Variants in DHRS12 observed in about 807,000 individuals in gnomAD.
DHRS12 encodes dehydrogenase/reductase SDR family member 12.
A neutral mutation model predicts 32.1 loss-of-function variants in DHRS12; 29 were observed. That is an observed-to-expected ratio of 0.90 (90% CI 0.67 to 1.23). The LOEUF (loss-of-function observed/expected upper bound fraction) is 1.23, where lower values mean the gene tolerates loss of function less well. Ranked by LOEUF, DHRS12 falls within the 50% of genes most tolerant of loss-of-function variation. The pLI is 0.00. For synonymous variants in DHRS12, 150 were observed against 135.9 expected (o/e 1.10, Z -0.72); for missense variants, 330 against 337.2 (o/e 0.98, Z 0.17).
At position 51,779,261 on chromosome 13, in the gene DHRS12, T is replaced by A. The variant is rs553730036; in HGVS notation, c.302-2140A>T. Among the ~76,000 whole-genome samples, 6 of 152,224 alleles carry A rather than the reference T, an allele frequency of 3.9e-5. No individual in the cohort carries two copies. In the South Asian group the frequency reaches 1.2e-3, roughly 32 times the overall value. On this transcript the variant is annotated intron_variant, in intron 4 of 8. Transcript: ENST00000444610. ...AAGTCCTTCAACACTCTGGCCCCCA[T>A]TGAATTAAGCAAAAAACTCCTCAGC... is the stretch of plus-strand genomic sequence containing the variant.
intron 8 of DHRS12, chr13:51,768,586 C>T (rs1269352975): frequency 8.0e-7 from 1 of 1,248,896 alleles, no homozygotes; most frequent in African/African-American, 1.5e-5. Flanking sequence ...CAGGGGTCAC[C>T]AGCGCTTCAG....
chr13:51,784,234 A>C (rs117781540), intron 4 of DHRS12, among the ~76,000 whole-genome samples: 2,099 of 152,302 alleles, frequency 0.014, 23 homozygotes, highest in Non-Finnish European at 0.021. Context: ...ACCCATCAGC[A>C]GGTGGCTTCT....
chr13:51,781,506 C>T (rs768359730), intron 4 of DHRS12, among the ~76,000 whole-genome samples: 10 of 152,148 alleles, frequency 6.6e-5, no homozygotes, highest in Non-Finnish European at 1.0e-4. Context: ...CCTACACTCA[C>T]GGTCGAGGTA....
At chr13:51,791,284 A>C (rs571897905) in intron 2 of DHRS12, 27 bp from the exon 3 acceptor site, 1 of 1,326,460 alleles carries the variant, frequency 7.5e-7, no homozygotes, top group Non-Finnish European at 1.0e-6. Flanking sequence ...AAAAAAAAAA[A>C]ACCCTTTTTA....
At chr13:51,795,910 G>T (rs968755080) in intron 2 of DHRS12, among the ~76,000 whole-genome samples, 1 of 152,018 alleles carries the variant, frequency 6.6e-6, no homozygotes, top group Non-Finnish European at 1.5e-5. Context: ...AGAGCATGGC[G>T]GCCAGGCCCA....
intron 4 of DHRS12, among the ~76,000 whole-genome samples, chr13:51,779,002 C>T (rs1954576449): frequency 6.6e-6 from 1 of 152,074 alleles, no homozygotes; most frequent in Non-Finnish European, 1.5e-5. Context: ...GGTTCAGTGA[C>T]TTATCCAAAG....
intron 4 of DHRS12, among the ~76,000 whole-genome samples, chr13:51,783,091 A>G (rs1445279308): frequency 2.6e-5 from 4 of 152,202 alleles, no homozygotes; most frequent in African/African-American, 9.6e-5. Context: ...TCTCATCAAA[A>G]GCAGCTTCCA....
At chr13:51,799,987 C>A (rs1476609151) in intron 1 of DHRS12, among the ~76,000 whole-genome samples, 1 of 152,234 alleles carries the variant, frequency 6.6e-6, no homozygotes, top group African/African-American at 2.4e-5. Context: ...ATGAATTGCT[C>A]TTTTCCCTTT....
intron 2 of DHRS12, among the ~76,000 whole-genome samples, chr13:51,796,708 C>G (rs537043441): frequency 1.3e-5 from 2 of 152,338 alleles, no homozygotes; most frequent in African/African-American, 4.8e-5. Context: ...TGCAGCAGCA[C>G]CACCGAAAGT....
At chr13:51,793,706 C>A (rs564567818) in intron 2 of DHRS12, among the ~76,000 whole-genome samples, 1 of 152,310 alleles carries the variant, frequency 6.6e-6, no homozygotes, top group South Asian at 2.1e-4. Flanking sequence ...TCTGAGTCAG[C>A]CAGGAGCCTG....
chr13:51,775,944 T>G (rs1188919103), intron 5 of DHRS12: 1 of 147,954 alleles, frequency 6.8e-6, no homozygotes, highest in Non-Finnish European at 1.5e-5. Flanking sequence ...TACTCTACAG[T>G]ATTCTCCTAC....
At chr13:51,769,776 A>G (rs1179560001) in intron 7 of DHRS12, among the ~76,000 whole-genome samples, 6 of 152,224 alleles carry the variant, frequency 3.9e-5, no homozygotes, top group African/African-American at 7.2e-5. Context: ...ATAAGAGGAA[A>G]GAATTCTTCA....
At chr13:51,791,104 C>A in intron 3 of DHRS12, 61 bp downstream of exon 3, 1 of 1,206,484 alleles carries the variant, frequency 8.3e-7, no homozygotes, top group South Asian at 1.4e-5. Context: ...CCGTCCACAT[C>A]CACAGACGGA....
At chr13:51,769,638 G>A (rs1714920145) in intron 7 of DHRS12, among the ~76,000 whole-genome samples, 1 of 152,168 alleles carries the variant, frequency 6.6e-6, no homozygotes, top group African/African-American at 2.4e-5. Flanking sequence ...GGCTCACAGT[G>A]AGGCTGGGCC....
chr13:51,802,824 C>T (rs1955821345), intron 1 of DHRS12, among the ~76,000 whole-genome samples: 1 of 152,244 alleles, frequency 6.6e-6, no homozygotes, highest in Non-Finnish European at 1.5e-5. Context: ...CTTCCCCCAC[C>T]AATCTGTGGT....
chr13:51,799,931 G>A (rs1317345805), intron 1 of DHRS12, among the ~76,000 whole-genome samples: 1 of 152,132 alleles, frequency 6.6e-6, no homozygotes, highest in Non-Finnish European at 1.5e-5. Context: ...TCCTCTGACT[G>A]CCCCGATCCT....
chr13:51,773,863 T>A, intron 6 of DHRS12, 67 bp downstream of exon 6: 1 of 1,361,004 alleles, frequency 7.3e-7, no homozygotes, highest in African/African-American at 1.4e-5. Flanking sequence ...CAGAGTAAGC[T>A]TTCCTTGGAA....
intron 4 of DHRS12, among the ~76,000 whole-genome samples, chr13:51,786,304 A>G (rs1954953607): frequency 6.6e-6 from 1 of 152,216 alleles, no homozygotes; most frequent in South Asian, 2.1e-4. Context: ...GATGCGGGTG[A>G]GAGTTTTAAT....
At chr13:51,789,076 G>A (rs1159601206) in intron 4 of DHRS12, among the ~76,000 whole-genome samples, 3 of 152,104 alleles carry the variant, frequency 2.0e-5, no homozygotes, top group Non-Finnish European at 4.4e-5. Flanking sequence ...TAACAACAGT[G>A]ATATGTTGGC....
Sources: gnomAD v4.1 joint callset for allele counts (sites outside exome capture counted in the v4.1 genomes callset) on GRCh38, gnomAD v4.1.1 for gene constraint, MANE v1.5 for transcripts, NCBI Gene and HGNC (gene_info 2026-07-23, HGNC 2026-07-21) for gene names.